The following SGCD variants were observed in gnomAD, a reference collection of about 807,000 sequenced individuals.
SGCD encodes the protein delta-sarcoglycan.
SGCD carries 18 observed loss-of-function variants against 36.6 expected under a neutral mutation model. That is an observed-to-expected ratio of 0.49 (90% CI 0.34 to 0.73). The LOEUF (loss-of-function observed/expected upper bound fraction) is 0.73. Among genes scored for constraint, SGCD ranks in the 30% least tolerant of loss-of-function variants. The probability of loss-of-function intolerance (pLI) is 0.01; values close to 1 mark genes in which losing one functional copy is unlikely to be tolerated. For missense variants in SGCD, 387 were observed against 346.7 expected, an observed-to-expected ratio of 1.12 and a Z score of -0.92; for synonymous variants, 133 against 130.6, an observed-to-expected ratio of 1.02 and a Z score of -0.12.
intron 3 of SGCD, among the ~76,000 whole-genome samples, chr5:156,448,241 C>T (rs780175206): frequency 1.3e-5 from 2 of 152,150 alleles, no homozygotes; most frequent in Non-Finnish European, 2.9e-5. Context: ...CCCAAAATGC[C>T]TCCCATTCCC....
At chr5:156,391,643 G>T (rs552755199) in intron 3 of SGCD, among the ~76,000 whole-genome samples, 1 of 152,124 alleles carries the variant, frequency 6.6e-6, no homozygotes, top group Non-Finnish European at 1.5e-5. Context: ...GAAAATGTGT[G>T]TATATTATAT....
chr5:156,134,005 C>CT (rs546892844), intron 3 of SGCD, among the ~76,000 whole-genome samples: 203 of 151,206 alleles, frequency 1.3e-3, no homozygotes, highest in African/African-American at 4.7e-3. Flanking sequence ...GCCATTTTAA[C>CT]TTTTTTCTGC....
chr5:155,819,861 A>G, the SGCD span, among the ~76,000 whole-genome samples: 1 of 152,210 alleles, frequency 6.6e-6, no homozygotes, highest in Non-Finnish European at 1.5e-5. Flanking sequence ...TGTGACCTCA[A>G]CATTTTGCTC....
At chr5:155,762,522 T>C in the SGCD span, among the ~76,000 whole-genome samples, 3 of 152,216 alleles carry the variant, frequency 2.0e-5, no homozygotes, top group Non-Finnish European at 2.9e-5. Context: ...GTCACCTATT[T>C]GGCACTCATT....
At chr5:156,019,321 G>A (rs1307691324) in intron 1 of SGCD, among the ~76,000 whole-genome samples, 3 of 152,088 alleles carry the variant, frequency 2.0e-5, no homozygotes, top group Admixed American at 6.5e-5. Context: ...AACCTTGAAC[G>A]TTGACAGAAT....
intron 1 of SGCD, among the ~76,000 whole-genome samples, chr5:156,014,279 T>C (rs747517156): frequency 1.7e-4 from 26 of 152,106 alleles, no homozygotes; most frequent in Non-Finnish European, 2.4e-4. Flanking sequence ...TTCTTCCAAT[T>C]AAATGTAGAC....
chr5:156,040,170 T>A (rs1171529488), intron 1 of SGCD, among the ~76,000 whole-genome samples: 1 of 152,190 alleles, frequency 6.6e-6, no homozygotes, highest in Non-Finnish European at 1.5e-5. Context: ...CCATCATCAT[T>A]GGTGCTTCAC....
chr5:156,185,850 TAGAGAG>T (rs201378824), intron 3 of SGCD, among the ~76,000 whole-genome samples: 12 of 49,856 alleles, frequency 2.4e-4, no homozygotes, highest in African/African-American at 4.3e-4. Flanking sequence ...TATATATATA[TAGAGAG>T]AGAGAGAGAG....
chr5:156,126,056 T>A (rs1457359523), intron 3 of SGCD, among the ~76,000 whole-genome samples: 2 of 151,760 alleles, frequency 1.3e-5, no homozygotes, highest in Non-Finnish European at 2.9e-5. Flanking sequence ...ATGTTTGTAT[T>A]TTTTAGGAGA....
At chr5:156,485,999 A>G (rs1224184033) in intron 3 of SGCD, among the ~76,000 whole-genome samples, 1 of 152,116 alleles carries the variant, frequency 6.6e-6, no homozygotes, top group South Asian at 2.1e-4. Context: ...ATAGAGAGAT[A>G]CCATGCAACA....
chr5:156,441,715 T>C (rs894532350), intron 3 of SGCD, among the ~76,000 whole-genome samples: 4 of 152,186 alleles, frequency 2.6e-5, no homozygotes, highest in Non-Finnish European at 5.9e-5. Context: ...TGGTCACCTG[T>C]ATAAGTATAG....
At chr5:156,691,206 CAAAAA>C (rs58947494) in intron 7 of SGCD, among the ~76,000 whole-genome samples, 2 of 61,854 alleles carry the variant, frequency 3.2e-5, no homozygotes, top group Admixed American at 2.6e-4. Context: ...GACTCTGTCT[CAAAAA>C]AAAAAAAAAA....
intron 3 of SGCD, among the ~76,000 whole-genome samples, chr5:156,283,827 G>A (rs10064971): frequency 0.36 from 54,034 of 151,970 alleles, 11,001 homozygotes; most frequent in African/African-American, 0.56. Flanking sequence ...AGCAGTGTTC[G>A]ACCTCAGAAT....
At chr5:156,613,734 C>T (rs775259547) in intron 6 of SGCD, among the ~76,000 whole-genome samples, 1 of 152,230 alleles carries the variant, frequency 6.6e-6, no homozygotes, top group Non-Finnish European at 1.5e-5. Context: ...ATGCGAACCA[C>T]TGACCCAAGA....
intron 1 of SGCD, among the ~76,000 whole-genome samples, chr5:155,957,019 A>G (rs1197426617): frequency 1.3e-5 from 2 of 152,020 alleles, no homozygotes; most frequent in African/African-American, 4.8e-5. Flanking sequence ...CACAGTATGT[A>G]TGGGGAAAAT....
At chr5:155,812,223 C>A in the SGCD span, among the ~76,000 whole-genome samples, 3 of 152,130 alleles carry the variant, frequency 2.0e-5, no homozygotes, top group Admixed American at 1.3e-4. Flanking sequence ...TGGACAGGTG[C>A]CCCACCATGT....
At chr5:156,701,691 T>C (rs1754535312) in intron 7 of SGCD, among the ~76,000 whole-genome samples, 1 of 152,140 alleles carries the variant, frequency 6.6e-6, no homozygotes, top group Non-Finnish European at 1.5e-5. Flanking sequence ...AACAAGAGAC[T>C]CACCTAGATT....
At chr5:155,800,079 A>G in the SGCD span, among the ~76,000 whole-genome samples, 14 of 152,068 alleles carry the variant, frequency 9.2e-5, no homozygotes, top group Non-Finnish European at 1.6e-4. Context: ...TTGGGCTCTC[A>G]AAGTGCTAAG....
At chr5:156,217,798 A>T (rs1318356018) in intron 3 of SGCD, among the ~76,000 whole-genome samples, 1 of 152,126 alleles carries the variant, frequency 6.6e-6, no homozygotes, top group Admixed American at 6.5e-5. Context: ...CAAATAAGTG[A>T]ATGTATGTAT....
Sources: gnomAD v4.1 joint callset for allele counts (sites outside exome capture counted in the v4.1 genomes callset) on GRCh38, gnomAD v4.1.1 for gene constraint, MANE v1.5 for transcripts, NCBI Gene and HGNC (gene_info 2026-07-23, HGNC 2026-07-21) for gene names.